The following ADAMTSL1 variants were observed in gnomAD, a reference collection of about 807,000 sequenced individuals.
ADAMTSL1 encodes the protein ADAMTS like 1.
In ADAMTSL1, 126 loss-of-function variants were observed where a neutral mutation model predicts 201.8. The ratio of observed to expected loss-of-function variants is 0.62; its 90% CI spans 0.54 to 0.72. ADAMTSL1 has a LOEUF of 0.72. Among genes scored for constraint, ADAMTSL1 ranks in the 30% least tolerant of loss-of-function variants. ADAMTSL1 has a pLI of 0.00. For synonymous variants in ADAMTSL1, 1,121 were observed against 903.4 expected (o/e 1.24, Z -4.32); for missense variants, 2,679 against 2,277.8 (o/e 1.18, Z -3.59).
chr9:18,760,588 T>C (rs969918320), intron 16 of ADAMTSL1, among the ~76,000 whole-genome samples: 3 of 152,196 alleles, frequency 2.0e-5, no homozygotes, highest in Admixed American at 2.0e-4. Flanking sequence ...GCTGCCTGAG[T>C]CATTTTCTAC....
At chr9:18,206,931 G>C (rs1037231788) in intron 2 of ADAMTSL1, among the ~76,000 whole-genome samples, 1 of 152,058 alleles carries the variant, frequency 6.6e-6, no homozygotes, top group Non-Finnish European at 1.5e-5. Context: ...TTGAGAGGCC[G>C]AGGTGGGTGA....
chr9:18,263,866 T>C (rs909467609), intron 2 of ADAMTSL1, among the ~76,000 whole-genome samples: 20 of 152,076 alleles, frequency 1.3e-4, no homozygotes, highest in African/African-American at 4.8e-4. Flanking sequence ...TCAGCAGAAA[T>C]TGAATCGGTG....
chr9:18,058,925 C>A (rs1312778036), intron 1 of ADAMTSL1, among the ~76,000 whole-genome samples: 2 of 152,180 alleles, frequency 1.3e-5, no homozygotes, highest in Non-Finnish European at 2.9e-5. Flanking sequence ...TGAAAGCCTG[C>A]AGTACTTGGA....
intron 23 of ADAMTSL1, among the ~76,000 whole-genome samples, chr9:18,832,752 A>G (rs945020693): frequency 3.9e-5 from 6 of 152,210 alleles, no homozygotes; most frequent in Non-Finnish European, 8.8e-5. Flanking sequence ...ATACAGGATG[A>G]AAGCCATTCA....
intron 2 of ADAMTSL1, among the ~76,000 whole-genome samples, chr9:18,281,377 T>C (rs1832781663): frequency 6.6e-6 from 1 of 151,900 alleles, no homozygotes; most frequent in Admixed American, 6.6e-5. Context: ...CTCACCAGAC[T>C]ATGGAGAATT....
At chr9:18,816,798 A>G (rs1167956193) in intron 20 of ADAMTSL1, among the ~76,000 whole-genome samples, 1 of 148,600 alleles carries the variant, frequency 6.7e-6, no homozygotes, top group African/African-American at 2.5e-5. Flanking sequence ...AAAATTTACA[A>G]ATAATAGTTG....
chr9:18,708,377 A>G (rs1014947693), intron 14 of ADAMTSL1, among the ~76,000 whole-genome samples: 14 of 152,156 alleles, frequency 9.2e-5, no homozygotes, highest in African/African-American at 3.4e-4. Context: ...GGAATTCTGA[A>G]GTGTTTTAAT....
chr9:18,083,115 CTT>C (rs1038980994), intron 1 of ADAMTSL1, among the ~76,000 whole-genome samples: 17 of 152,220 alleles, frequency 1.1e-4, no homozygotes, highest in African/African-American at 3.4e-4. Flanking sequence ...GACAAAAAGA[CTT>C]TTTATTTTGA....
chr9:18,428,319 T>C (rs1200895941), intron 2 of ADAMTSL1, among the ~76,000 whole-genome samples: 1 of 151,160 alleles, frequency 6.6e-6, no homozygotes, highest in African/African-American at 2.4e-5. Context: ...CCATCCCACA[T>C]CTATCAGTGG....
intron 2 of ADAMTSL1, among the ~76,000 whole-genome samples, chr9:18,237,131 C>T (rs929491375): frequency 3.3e-5 from 5 of 152,186 alleles, no homozygotes; most frequent in Admixed American, 1.3e-4. Flanking sequence ...TTTAATTCTT[C>T]TTTAATCTTA....
At position 18,055,845 on chromosome 9, in the gene ADAMTSL1, A is replaced by T. The variant is rs558716075; in HGVS notation, c.88-108017A>T. On this transcript the variant is annotated intron_variant, in intron 1 of 29. Transcript: ENST00000680146. ...AAGTTATTCGTTTGCCATGCTGTCA[A>T]GGTTTAATATTCAAAATATGGGCTT... 6.6e-5 allele frequency among the ~76,000 whole-genome samples: 10 copies of T among 152,366 alleles called. No individual in the cohort carries two copies. In the South Asian group the frequency reaches 2.1e-3, roughly 32 times the overall value.
chr9:18,650,120 T>A (rs1828126102), intron 7 of ADAMTSL1, among the ~76,000 whole-genome samples: 1 of 152,232 alleles, frequency 6.6e-6, no homozygotes, highest in South Asian at 2.1e-4. Context: ...CAAGCCTCGC[T>A]GCCGCCTTGC....
chr9:18,742,702 G>A (rs891299887), intron 15 of ADAMTSL1, among the ~76,000 whole-genome samples: 1 of 152,134 alleles, frequency 6.6e-6, no homozygotes, highest in African/African-American at 2.4e-5. Flanking sequence ...AAGCCAACAA[G>A]TGGCTGTGCC....
At chr9:18,123,669 A>G (rs750170063) in intron 1 of ADAMTSL1, among the ~76,000 whole-genome samples, 11 of 152,330 alleles carry the variant, frequency 7.2e-5, no homozygotes, top group Middle Eastern at 6.8e-3. Flanking sequence ...AATGAATTTT[A>G]GTAAATTTAC....
At chr9:18,281,323 C>T (rs922518673) in intron 2 of ADAMTSL1, among the ~76,000 whole-genome samples, 2 of 152,070 alleles carry the variant, frequency 1.3e-5, no homozygotes, top group Non-Finnish European at 2.9e-5. Context: ...GATTCACCAC[C>T]AGACTGGGAA....
In ADAMTSL1 at chr9:18,028,804, A is replaced by C. The variant is rs1172136327; in HGVS notation, c.87+121882A>C. Among the ~76,000 whole-genome samples, 4 of 152,148 alleles carry C rather than the reference A, an allele frequency of 2.6e-5. No homozygotes were observed. The South Asian group carries it at 6.2e-4, about 24-fold the overall frequency. On this transcript the variant is annotated intron_variant, in intron 1 of 29. Coordinates refer to the ADAMTSL1 transcript ENST00000680146. ...TTTTTCCAATTCTGTGAAGAAAATC[A>C]TTGGTAGCTTGATGGGGATGGCACT...
chr9:18,891,359 C>T (rs542374649), intron 25 of ADAMTSL1, among the ~76,000 whole-genome samples: 1 of 150,250 alleles, frequency 6.7e-6, no homozygotes, highest in African/African-American at 2.5e-5. Context: ...AAATTTTCTC[C>T]ATCACTAAAA....
chr9:18,421,449 G>C lies in ADAMTSL1; in HGVS notation c.208-83380G>C, dbSNP rs572984677. 5.6e-4 allele frequency among the ~76,000 whole-genome samples: 85 copies of C among 152,272 alleles called. 1 individual carries two copies. The South Asian group carries it at 0.013, about 24-fold the overall frequency. On this transcript the variant is annotated intron_variant, in intron 2 of 29. Transcript: ENST00000680146. Reference sequence around the variant, plus strand: ...AACATCACAGAGCTCCTAAGCGATAGAGCCAGGATTCAAACATAGGACAGC... The same window carrying C: ...AACATCACAGAGCTCCTAAGCGATACAGCCAGGATTCAAACATAGGACAGC...
chr9:18,879,498 G>C (rs1828389277), intron 23 of ADAMTSL1, among the ~76,000 whole-genome samples: 1 of 152,092 alleles, frequency 6.6e-6, no homozygotes, highest in Non-Finnish European at 1.5e-5. Flanking sequence ...CTGCAATAAA[G>C]CATATACTGC....
Sources: allele counts gnomAD v4.1 joint callset (sites outside exome capture counted in the v4.1 genomes callset), GRCh38; gene constraint gnomAD v4.1.1; transcripts MANE v1.5; gene names NCBI Gene and HGNC (gene_info 2026-07-23, HGNC 2026-07-21).